The following ACVR2A variants were observed in gnomAD, a reference collection of about 807,000 sequenced individuals.
ACVR2A encodes the protein activin A receptor type 2A, also known as activin receptor type-2A.
Under a neutral mutation model 61.4 loss-of-function variants are expected in ACVR2A, and 7 were observed. That is an observed-to-expected ratio of 0.11 (90% CI 0.06 to 0.21). ACVR2A has a LOEUF of 0.21. Ranked by LOEUF, ACVR2A falls within the 10% of genes least tolerant of loss-of-function variation. The pLI is 1.00. For missense variants in ACVR2A, 322 were observed against 621.7 expected, an observed-to-expected ratio of 0.52 and a Z score of 5.13; for synonymous variants, 193 against 208.3, an observed-to-expected ratio of 0.93 and a Z score of 0.63.
intron 1 of ACVR2A, among the ~76,000 whole-genome samples, chr2:147,865,882 A>T (rs1685839859): frequency 6.6e-6 from 1 of 152,120 alleles, no homozygotes; most frequent in Non-Finnish European, 1.5e-5. Flanking sequence ...CAGCTTTTGG[A>T]GTGGGGTCAG....
chr2:147,908,989 G>A (rs890967593), intron 4 of ACVR2A, among the ~76,000 whole-genome samples: 1 of 152,134 alleles, frequency 6.6e-6, no homozygotes, highest in Non-Finnish European at 1.5e-5. Context: ...ATCTGTGTAT[G>A]TGTTTACTAA....
chr2:147,926,123 A>G lies in ACVR2A; in HGVS notation c.1309A>G (p.Lys437Glu). The stretch of plus-strand genomic sequence containing the variant: ...GCAGGAAGTTGTTGTGCATAAAAAA[A>G]AGAGGCCTGTTTTAAGAGATTATTG... ...DMQEVVVHKK[K>E]RPVLRDYWQK... The change falls in exon 10 of 11, where the codon AAG becomes GAG. Residue 437 changes from lysine to glutamate, a missense_variant. By Grantham distance (56) the Lys-to-Glu change is moderately conservative (BLOSUM62 1). This residue lies in a region of ACVR2A where 146 missense variants were observed against 383.8 expected (regional missense o/e 0.38). Transcript: ENST00000241416. 4 of 1,611,934 alleles carry G rather than the reference A, an allele frequency of 2.5e-6. No homozygotes were observed. Among genetic ancestry groups the G allele is most frequent in the African/African-American group, 1.3e-5 (1 of 74,892 alleles).
chr2:147,926,974 C>A, intron 10 of ACVR2A, 106 bp from the exon 11 acceptor site: 1 of 1,086,244 alleles, frequency 9.2e-7, no homozygotes, highest in Non-Finnish European at 1.3e-6. Context: ...TTGACAGAAA[C>A]TTCTTTGACC....
rs1685271219 is a variant in ACVR2A, at chr2:147,845,100, G to C, written c.-53G>C. 1 of 1,504,452 alleles carries C rather than the reference G, an allele frequency of 6.6e-7. No individual in the cohort carries two copies. Among genetic ancestry groups the C allele is most frequent in the Non-Finnish European group, 9.1e-7 (1 of 1,103,848 alleles). 93.2% of individuals were successfully genotyped at this position (1,504,452 alleles called of 1,614,324 possible). ...AGGTTTGTCTCCGAGGAAGACCCAG[G>C]GAACTGGATATCTAGCGAGAACTTC... On this transcript the variant is annotated 5_prime_UTR_variant, in exon 1 of 11. Transcript: ENST00000241416.
chr2:147,895,837 T>A (rs1219432618), intron 1 of ACVR2A, among the ~76,000 whole-genome samples: 2 of 152,160 alleles, frequency 1.3e-5, no homozygotes, highest in Non-Finnish European at 2.9e-5. Flanking sequence ...TTAACAGTAG[T>A]CTATTGGGAA....
chr2:147,913,963 T>G (rs1290926739), intron 4 of ACVR2A, among the ~76,000 whole-genome samples: 2 of 151,894 alleles, frequency 1.3e-5, no homozygotes, highest in African/African-American at 4.8e-5. Flanking sequence ...AAATTGCATG[T>G]TTTTCCTACA....
intron 1 of ACVR2A, among the ~76,000 whole-genome samples, chr2:147,867,553 C>G (rs966560640): frequency 6.6e-6 from 1 of 151,998 alleles, no homozygotes; most frequent in African/African-American, 2.4e-5. Context: ...CGTATCTGGA[C>G]TCTTTAAGTG....
rs1209118319 is a variant in ACVR2A at position 147,864,290 on chromosome 2, C to T, written c.55+19083C>T. On this transcript the variant is annotated intron_variant, in intron 1 of 10. Coordinates refer to ENST00000241416, the MANE Select transcript of ACVR2A (RefSeq NM_001616.5). ...TGTCACCCAGGCTGGAGTGCAGTGG[C>T]GCGATGTCGGCTCACTGCAACCTCC... Among the ~76,000 whole-genome samples, 14 of 152,042 alleles carry T rather than the reference C, an allele frequency of 9.2e-5. No individual in the cohort carries two copies. In the South Asian group the frequency reaches 1.2e-3, roughly 14 times the overall value.
chr2:147,908,433 T>C (rs1263314110), intron 4 of ACVR2A, among the ~76,000 whole-genome samples: 1 of 152,174 alleles, frequency 6.6e-6, no homozygotes, highest in Non-Finnish European at 1.5e-5. Flanking sequence ...TTCTTTGCTT[T>C]CCTTTCAAGA....
chr2:147,910,277 C>T (rs1174507637), intron 4 of ACVR2A, among the ~76,000 whole-genome samples: 2 of 152,104 alleles, frequency 1.3e-5, no homozygotes, highest in African/African-American at 4.8e-5. Context: ...CACCTACTTG[C>T]ACAGTGCTAG....
chr2:147,878,925 T>C (rs1269353121), intron 1 of ACVR2A, among the ~76,000 whole-genome samples: 3 of 152,028 alleles, frequency 2.0e-5, no homozygotes, highest in Non-Finnish European at 4.4e-5. Context: ...AAAAATCTTT[T>C]TTTGGAGGAA....
intron 1 of ACVR2A, among the ~76,000 whole-genome samples, chr2:147,860,528 T>G (rs1055348385): frequency 3.3e-5 from 5 of 152,244 alleles, no homozygotes; most frequent in Non-Finnish European, 1.5e-5. Context: ...TTACCCATTT[T>G]AAGTACTTAA....
At chr2:147,872,768 C>T (rs75642184) in intron 1 of ACVR2A, among the ~76,000 whole-genome samples, 4,382 of 151,682 alleles carry the variant, frequency 0.029, 92 homozygotes, top group Non-Finnish European at 0.048. Flanking sequence ...ACTTGTCTTT[C>T]TATAGTTTCC....
rs930861099 is a variant in ACVR2A at position 147,929,888 on chromosome 2, A to G, written c.*2614A>G. ...ATCAGAACTGCTGCTGCTCTAACTT[A>G]TACTCTTTACCTTGCCCAGATCTCC... On this transcript the variant is annotated 3_prime_UTR_variant, in exon 11 of 11. Transcript: ENST00000241416. 6 of 152,412 alleles carry G rather than the reference A, an allele frequency of 3.9e-5. No homozygotes were observed. Among genetic ancestry groups the G allele is most frequent in the African/African-American group, 1.4e-4 (6 of 41,380 alleles). 9.4% of individuals were successfully genotyped at this position (152,412 alleles called of 1,614,324 possible).
In ACVR2A at chr2:147,930,818, T is replaced by C. The variant is rs548962924; in HGVS notation, c.*3544T>C. ...TCCCCAAGTTAAATAAAAAAATGAA[T>C]ACGGTATGATTTGCATATGCAGTTT... is the stretch of plus-strand genomic sequence containing the variant. On this transcript the variant is annotated 3_prime_UTR_variant, in exon 11 of 11. Transcript: ENST00000241416. 1 of 152,236 alleles carries C rather than the reference T, an allele frequency of 6.6e-6. No individual in the cohort carries two copies. The highest frequency in any genetic ancestry group is 1.5e-5 in the Non-Finnish European group (1 of 67,922). The allele number at this position is 152,236 out of a possible 1,614,324, so 9.4% of individuals were successfully genotyped here.
chr2:147,906,310 A>C (rs1686987673), intron 4 of ACVR2A, among the ~76,000 whole-genome samples: 1 of 152,092 alleles, frequency 6.6e-6, no homozygotes, highest in Admixed American at 6.6e-5. Context: ...TCAATGCTTG[A>C]TTGCCTATGG....
intron 1 of ACVR2A, among the ~76,000 whole-genome samples, chr2:147,893,953 A>C (rs1378680553): frequency 6.6e-6 from 1 of 152,132 alleles, no homozygotes; most frequent in East Asian, 1.9e-4. Context: ...CAGGGTCACA[A>C]AGATTTTTCA....
At chr2:147,857,693 A>C (rs907402600) in intron 1 of ACVR2A, among the ~76,000 whole-genome samples, 1 of 152,092 alleles carries the variant, frequency 6.6e-6, no homozygotes, top group Admixed American at 6.5e-5. Context: ...CACAGTATGG[A>C]ATATCATGTG....
At chr2:147,857,548 A>AC (rs1374075541) in intron 1 of ACVR2A, among the ~76,000 whole-genome samples, 3 of 151,640 alleles carry the variant, frequency 2.0e-5, no homozygotes, top group African/African-American at 7.3e-5. Context: ...AAAAAAAAAA[A>AC]AAACAAAAAA....
Sources: gnomAD v4.1 joint callset for allele counts (sites outside exome capture counted in the v4.1 genomes callset) on GRCh38, gnomAD v4.1.1 for gene constraint, gnomAD v4.1.1 regional missense constraint, MANE v1.5 for transcripts, NCBI Gene and HGNC (gene_info 2026-07-23, HGNC 2026-07-21) for gene names.